The following ADGRG2 variants were observed in gnomAD, a reference collection of about 807,000 sequenced individuals.
ADGRG2 encodes adhesion G protein-coupled receptor G2, also known as G protein-coupled receptor 64.
In ADGRG2, 26 loss-of-function variants were observed where a neutral mutation model predicts 74.1. The ratio of observed to expected loss-of-function variants is 0.35; its 90% confidence interval spans 0.26 to 0.49. The LOEUF is 0.49. ADGRG2 is among the 20% of genes least tolerant of loss of function. The pLI is 0.99. For missense variants in ADGRG2, 619 were observed against 763.1 expected, an observed-to-expected ratio of 0.81 and a Z score of 2.22; for synonymous variants, 296 against 295.2, an observed-to-expected ratio of 1.00 and a Z score of -0.03.
rs377556811 is a variant in ADGRG2 at position 19,108,710 on chromosome X, T to A, written c.-47+13732A>T. On this transcript the variant is annotated intron_variant, in intron 1 of 28. Coordinates refer to ENST00000379869, the MANE Select transcript of ADGRG2 (RefSeq NM_001079858.3). ...GAAATTTAAGAACAGGCACAATATG[T>A]GGCATTTGAGGGAGAACAGTAGTCA... Among the ~76,000 whole-genome samples, 47 of 111,605 alleles carry A rather than the reference T, an allele frequency of 4.2e-4. 1 individual carries two copies. The East Asian group carries it at 8.8e-3, about 21-fold the overall frequency.
intron 3 of ADGRG2, among the ~76,000 whole-genome samples, chrX:19,066,937 T>C (rs762144943): frequency 1.8e-5 from 2 of 111,362 alleles, no homozygotes; most frequent in South Asian, 7.5e-4. Flanking sequence ...ACCTTTAAAT[T>C]TCCATATGGT....
At chrX:19,005,851 C>A in intron 22 of ADGRG2, 151 bp downstream of exon 22, 1 of 447,467 alleles carries the variant, frequency 2.2e-6, no homozygotes. Flanking sequence ...CCATGCCCAG[C>A]AAAGAGCAAT....
In ADGRG2 at chrX:19,013,837, A is replaced by T; in HGVS notation, c.948T>A (p.Ile316=). 1 of 1,206,599 alleles carries T rather than the reference A, an allele frequency of 8.3e-7. No individual in the cohort carries two copies. Among genetic ancestry groups the T allele is most frequent in the Middle Eastern group, 2.3e-4 (1 of 4,314 alleles). ...TCGTTTCAGACTGTGGGGGCATGTC[A>T]ATGGCAGGGCTGGAAGCTATGGGAG... The part of the protein sequence containing the change: ...PSAPIASSPA[I]DMPPQSETIS... The change falls in exon 16 of 29, where the codon ATT becomes ATA. Residue 316 remains isoleucine, a synonymous_variant. Coordinates refer to ENST00000379869, the MANE Select transcript of ADGRG2 (RefSeq NM_001079858.3).
At chrX:19,004,900 T>C (rs1298778098) in intron 22 of ADGRG2, 21 bp from the exon 23 acceptor site, 3 of 1,122,162 alleles carry the variant, frequency 2.7e-6, no homozygotes, top group Non-Finnish European at 3.6e-6. Context: ...AAATATTGCT[T>C]TTAATAATCA....
intron 9 of ADGRG2, among the ~76,000 whole-genome samples, chrX:19,028,585 C>T (rs1197762416): frequency 9.0e-6 from 1 of 110,530 alleles, no homozygotes; most frequent in Non-Finnish European, 1.9e-5. Context: ...TTTTGGCTTC[C>T]CTGAGTCACA....
chrX:19,049,350 G>T (rs1286760165), intron 3 of ADGRG2, among the ~76,000 whole-genome samples: 1 of 110,908 alleles, frequency 9.0e-6, no homozygotes. Context: ...AGCCCTGGGA[G>T]TGGCTGTCTC....
At chrX:19,088,137 T>G (rs1399345069) in intron 1 of ADGRG2, among the ~76,000 whole-genome samples, 1 of 112,300 alleles carries the variant, frequency 8.9e-6, no homozygotes, top group Non-Finnish European at 1.9e-5. Flanking sequence ...TAAACAATTC[T>G]CACTTTCACA....
At chrX:19,017,422 C>T (rs1250211181) in intron 15 of ADGRG2, among the ~76,000 whole-genome samples, 1 of 111,753 alleles carries the variant, frequency 8.9e-6, no homozygotes, top group Non-Finnish European at 1.9e-5. Context: ...AGTTTCACAT[C>T]CTGACCCCTT....
At chrX:19,007,157 T>G in intron 20 of ADGRG2, 78 bp downstream of exon 20, 3 of 1,072,204 alleles carry the variant, frequency 2.8e-6, no homozygotes, top group Non-Finnish European at 3.9e-6. Flanking sequence ...GATCTGCCTT[T>G]TGCCGGCCAT....
intron 28 of ADGRG2, among the ~76,000 whole-genome samples, chrX:18,993,418 C>G (rs1413633358): frequency 9.1e-6 from 1 of 110,180 alleles, no homozygotes; most frequent in African/African-American, 3.3e-5. Context: ...CACAGTGGCT[C>G]ACACCTGTAA....
intron 1 of ADGRG2, among the ~76,000 whole-genome samples, chrX:19,112,924 C>T (rs1394281456): frequency 9.8e-6 from 1 of 101,966 alleles, no homozygotes; most frequent in African/African-American, 3.6e-5. Flanking sequence ...CGCCACTGCA[C>T]TCCAGCCTGG....
chrX:19,088,957 A>C (rs1392224489), intron 1 of ADGRG2, among the ~76,000 whole-genome samples: 1 of 111,647 alleles, frequency 9.0e-6, no homozygotes, highest in Non-Finnish European at 1.9e-5. Flanking sequence ...TGGTGCATTA[A>C]AATTTTCCTG....
intron 24 of ADGRG2, among the ~76,000 whole-genome samples, chrX:19,001,178 A>G (rs749114345): frequency 2.2e-3 from 245 of 111,584 alleles, no homozygotes; most frequent in Non-Finnish European, 3.1e-3. Context: ...TGGCTGATCC[A>G]GGGGGTGGTG....
chrX:19,091,184 G>A (rs779912748), intron 1 of ADGRG2, among the ~76,000 whole-genome samples: 9 of 111,823 alleles, frequency 8.0e-5, no homozygotes, highest in African/African-American at 2.3e-4. Flanking sequence ...TGGAGAGACA[G>A]AAAAGGCTCA....
intron 1 of ADGRG2, among the ~76,000 whole-genome samples, chrX:19,116,553 G>T (rs2062519458): frequency 9.5e-6 from 1 of 105,444 alleles, no homozygotes; most frequent in South Asian, 4.3e-4. Context: ...GGTCATTAGA[G>T]GAGTTTGAGT....
chrX:18,995,422 T>G lies in ADGRG2; in HGVS notation c.2717-374A>C, dbSNP rs566835117. On this transcript the variant is annotated intron_variant, in intron 27 of 28. Coordinates refer to ENST00000379869, the MANE Select transcript of ADGRG2 (RefSeq NM_001079858.3). ...ACTCCATGAAAATGATTGAACTATGTGTACTGCCATTTTCTGAATACAGAC... is the reference window on the plus strand; with the variant it reads ...ACTCCATGAAAATGATTGAACTATGGGTACTGCCATTTTCTGAATACAGAC... Among the ~76,000 whole-genome samples the G allele has an allele frequency of 1.7e-4, 19 of 111,936 alleles. No homozygotes were observed. The East Asian group carries it at 5.3e-3, about 31-fold the overall frequency.
At chrX:19,122,882 C>A (rs968652387), upstream of ADGRG2, among the ~76,000 whole-genome samples, 7 of 112,083 alleles carry the variant, frequency 6.2e-5, no homozygotes, top group Admixed American at 2.8e-4. Flanking sequence ...CGGACCCCAA[C>A]CTCCAGACTC....
At chrX:19,096,162 A>G (rs374422518) in intron 1 of ADGRG2, among the ~76,000 whole-genome samples, 1 of 111,084 alleles carries the variant, frequency 9.0e-6, no homozygotes, top group East Asian at 2.9e-4. Context: ...TGTAATCCCA[A>G]CACTTTGGGA....
In ADGRG2 at chrX:19,022,976, C is replaced by T. The variant is rs188275773; in HGVS notation, c.548+440G>A. 7.1e-3 allele frequency among the ~76,000 whole-genome samples: 797 copies of T among 112,540 alleles called. 11 individuals carry two copies. Among genetic ancestry groups the T allele is most frequent in the African/African-American group, 0.025 (769 of 31,001 alleles). The stretch of plus-strand genomic sequence containing the variant: ...CCTCCCAAAGTGTTGGGATTACAGG[C>T]GTGAGCCACCACACCCAGCCATGTT... On this transcript the variant is annotated intron_variant, in intron 13 of 28. Coordinates refer to ENST00000379869, the MANE Select transcript of ADGRG2 (RefSeq NM_001079858.3).
Sources: allele counts gnomAD v4.1 joint callset (sites outside exome capture counted in the v4.1 genomes callset), GRCh38; gene constraint gnomAD v4.1.1; transcripts MANE v1.5; gene names NCBI Gene and HGNC (gene_info 2026-07-23, HGNC 2026-07-21).